PXDNL: variants seen among roughly 807,000 people sequenced by gnomAD.
PXDNL encodes peroxidasin like.
In PXDNL, 145 loss-of-function variants were observed where a neutral mutation model predicts 150.8. The ratio of observed to expected loss-of-function variants is 0.96; its 90% CI spans 0.84 to 1.10. The LOEUF (loss-of-function observed/expected upper bound fraction) is 1.10, where lower values mean the gene tolerates loss of function less well. Among genes scored for constraint, PXDNL ranks in the 50% least tolerant of loss-of-function variants. The probability of loss-of-function intolerance (pLI) is 0.00; values close to 1 mark genes in which losing one functional copy is unlikely to be tolerated. For missense variants in PXDNL, 2,087 were observed against 1,873.9 expected, an observed-to-expected ratio of 1.11 and a Z score of -2.10; for synonymous variants, 757 against 725.7, an observed-to-expected ratio of 1.04 and a Z score of -0.69.
chr8:51,778,233 C>T (rs1215115191), intron 1 of PXDNL, among the ~76,000 whole-genome samples: 2 of 151,224 alleles, frequency 1.3e-5, no homozygotes, highest in Non-Finnish European at 2.9e-5. Flanking sequence ...GAGCCGAGAT[C>T]GCGCCACTTG....
rs4637818 is a variant in PXDNL at position 51,732,128 on chromosome 8, T to G, written c.164+77053A>C. Among the ~76,000 whole-genome samples, 8 of 152,124 alleles carry G rather than the reference T, an allele frequency of 5.3e-5. No homozygotes were observed. The South Asian group carries it at 1.2e-3, about 24-fold the overall frequency. The stretch of plus-strand genomic sequence containing the variant: ...TTTATGTTGTACTTCCCTTTTAAAC[T>G]TAAGTTCCTATCCCAAAGCATATCT... On this transcript the variant is annotated intron_variant, in intron 1 of 22. Transcript: ENST00000356297.
rs191962012 is a variant in PXDNL at position 51,344,980 on chromosome 8, C to T, written c.4016+853G>A. 1.6e-4 allele frequency among the ~76,000 whole-genome samples: 24 copies of T among 152,280 alleles called. 1 individual carries two copies. Among genetic ancestry groups the T allele is most frequent in the Middle Eastern group, 6.8e-3 (2 of 294 alleles). On this transcript the variant is annotated intron_variant, in intron 20 of 22. Coordinates refer to ENST00000356297, the MANE Select transcript of PXDNL (RefSeq NM_144651.5). ...CTCCTCAATTTTAAAACTTAGAGTA[C>T]AGGGCCCATATATTGTTCAAGTTGA... is the stretch of plus-strand genomic sequence containing the variant.
chr8:51,593,264 A>G (rs1813487453), intron 2 of PXDNL, among the ~76,000 whole-genome samples: 1 of 152,222 alleles, frequency 6.6e-6, no homozygotes, highest in South Asian at 2.1e-4. Context: ...AATAAATCGA[A>G]TTTGAACCGT....
chr8:51,405,277 C>G (rs749990582), intron 17 of PXDNL, among the ~76,000 whole-genome samples: 3 of 152,204 alleles, frequency 2.0e-5, no homozygotes, highest in African/African-American at 7.2e-5. Context: ...GAGTGGGTAC[C>G]GAGGCCGAGG....
At chr8:51,639,723 C>T (rs1009539739) in intron 2 of PXDNL, among the ~76,000 whole-genome samples, 1 of 152,036 alleles carries the variant, frequency 6.6e-6, no homozygotes, top group Non-Finnish European at 1.5e-5. Context: ...AGCTTACCAA[C>T]CAAAAAGAGT....
intron 9 of PXDNL, among the ~76,000 whole-genome samples, chr8:51,454,936 T>C (rs1809894762): frequency 6.6e-6 from 1 of 151,422 alleles, no homozygotes; most frequent in African/African-American, 2.4e-5. Context: ...TAGGAGAACA[T>C]TCTGGCAAGA....
intron 17 of PXDNL, among the ~76,000 whole-genome samples, chr8:51,385,106 T>C (rs537507915): frequency 6.6e-6 from 1 of 152,192 alleles, no homozygotes; most frequent in South Asian, 2.1e-4. Flanking sequence ...GTTTGAACAA[T>C]ACTTACAGCA....
intron 1 of PXDNL, among the ~76,000 whole-genome samples, chr8:51,710,156 AG>A (rs1361095333): frequency 3.3e-5 from 5 of 152,214 alleles, no homozygotes; most frequent in African/African-American, 9.6e-5. Flanking sequence ...CTCCCAGTGT[AG>A]GCTCTGAGAC....
At chr8:51,709,059 G>A (rs1253462970) in intron 1 of PXDNL, among the ~76,000 whole-genome samples, 1 of 152,156 alleles carries the variant, frequency 6.6e-6, no homozygotes. Context: ...TGCTGAGGAA[G>A]AGGAAGTGAG....
chr8:51,798,472 TAAAC>T (rs890141706), intron 1 of PXDNL, among the ~76,000 whole-genome samples: 63 of 152,214 alleles, frequency 4.1e-4, no homozygotes, highest in African/African-American at 1.4e-3. Flanking sequence ...GCAAGGAACT[TAAAC>T]AAATTTACAA....
chr8:51,393,324 A>T (rs1586065862), intron 17 of PXDNL, among the ~76,000 whole-genome samples: 1 of 152,298 alleles, frequency 6.6e-6, no homozygotes, highest in South Asian at 2.1e-4. Flanking sequence ...CTTCTCAGTA[A>T]ACTGATGAGA....
chr8:51,607,046 G>A (rs922152268), intron 2 of PXDNL, among the ~76,000 whole-genome samples: 3 of 152,104 alleles, frequency 2.0e-5, no homozygotes, highest in African/African-American at 7.2e-5. Context: ...TATGTGTTTG[G>A]GATTTTTTTT....
rs1456440086 is a variant in PXDNL at position 51,408,319 on chromosome 8, C to G, written c.3305G>C (p.Arg1102Pro). ...TTTAGCAGCCACGCCAAACAGCCCC[C>G]GGAGAACCGGGTCTATCCCACCTTC... ...IKEGGIDPVL[R>P]GLFGVAAKWR... Residue 1102 changes from arginine (R) to proline (P), a missense_variant, in exon 17 of 23, where the codon CGG becomes CCG. Physicochemically the swap from Arg to Pro is moderately radical, Grantham distance 103. Transcript: ENST00000356297. 2 of 1,613,848 alleles carry G rather than the reference C, an allele frequency of 1.2e-6. No individual in the cohort carries two copies. Among genetic ancestry groups the G allele is most frequent in the Non-Finnish European group, 1.7e-6 (2 of 1,179,894 alleles).
At chr8:51,491,537 C>A (rs558718743) in intron 5 of PXDNL, among the ~76,000 whole-genome samples, 1 of 152,208 alleles carries the variant, frequency 6.6e-6, no homozygotes, top group Admixed American at 6.5e-5. Flanking sequence ...CATTCCCTGC[C>A]TTCCAAGCCC....
chr8:51,563,846 A>T (rs1812762415), intron 3 of PXDNL, among the ~76,000 whole-genome samples: 1 of 152,010 alleles, frequency 6.6e-6, no homozygotes. Flanking sequence ...TATTTAAAAG[A>T]CAGTACAGAG....
chr8:51,610,736 T>C (rs1350582748), intron 2 of PXDNL, among the ~76,000 whole-genome samples: 2 of 152,204 alleles, frequency 1.3e-5, no homozygotes, highest in African/African-American at 4.8e-5. Flanking sequence ...CCAAACTCTT[T>C]CAAGTTGTCA....
intron 4 of PXDNL, among the ~76,000 whole-genome samples, chr8:51,526,346 T>TC (rs397944760): frequency 3.3e-5 from 5 of 151,146 alleles, no homozygotes; most frequent in South Asian, 2.1e-4. Flanking sequence ...TGTTTTTTTT[T>TC]CTTTTTTTTT....
chr8:51,649,260 A>C (rs1201513206), intron 2 of PXDNL, among the ~76,000 whole-genome samples: 1 of 152,214 alleles, frequency 6.6e-6, no homozygotes, highest in African/African-American at 2.4e-5. Flanking sequence ...GCCTTGGTTT[A>C]ATTGTCATTT....
At chr8:51,331,214 A>T (rs1047282256) in intron 21 of PXDNL, among the ~76,000 whole-genome samples, 5 of 152,090 alleles carry the variant, frequency 3.3e-5, no homozygotes, top group Admixed American at 3.3e-4. Flanking sequence ...CCCACTGGAG[A>T]AGCTTAAGGT....
Sources: allele counts gnomAD v4.1 joint callset (sites outside exome capture counted in the v4.1 genomes callset), GRCh38; gene constraint gnomAD v4.1.1; transcripts MANE v1.5; gene names NCBI Gene and HGNC (gene_info 2026-07-23, HGNC 2026-07-21).